The following SYNE1 variants were observed in gnomAD, a reference collection of about 807,000 sequenced individuals.
SYNE1 encodes the protein nesprin-1.
In SYNE1, 616 loss-of-function variants were observed where a neutral mutation model predicts 1,111.0. The observed-to-expected ratio is 0.55, with a 90% CI of 0.52 to 0.59. The LOEUF (loss-of-function observed/expected upper bound fraction) is 0.59, where lower values mean the gene tolerates loss of function less well. SYNE1 is among the 20% of genes least tolerant of loss of function. The probability of loss-of-function intolerance (pLI) is 0.00; values close to 1 mark genes in which losing one functional copy is unlikely to be tolerated. For missense variants in SYNE1, 10,006 were observed against 10,417.0 expected (o/e 0.96, Z 1.72); for synonymous variants, 3,855 against 3,825.8 (o/e 1.01, Z -0.28).
intron 9 of SYNE1, 32 bp downstream of exon 9, chr6:152,505,169 G>C: frequency 6.2e-7 from 1 of 1,608,096 alleles, no homozygotes; most frequent in Non-Finnish European, 8.5e-7. Flanking sequence ...TCCGTGTTAA[G>C]GTATATAACA....
rs200412221 is a variant in SYNE1, at chr6:152,505,406, T to C, written c.582-9A>G. The C allele has an allele frequency of 1.3e-4, 207 of 1,613,546 alleles. 1 individual carries two copies. The highest frequency in any genetic ancestry group is 6.7e-5 in the Admixed American group (4 of 60,006). On this transcript the variant is annotated splice_polypyrimidine_tract_variant and intron_variant, in intron 8 of 145. Transcript: ENST00000367255. ...CTTCTATTCCAGTCTGCCTTTGTGT[T>C]ATAAAAACATAAAATGATGTCACAT...
At chr6:152,497,187 T>A (rs772907352) in intron 11 of SYNE1, among the ~76,000 whole-genome samples, 1 of 152,186 alleles carries the variant, frequency 6.6e-6, no homozygotes, top group Middle Eastern at 3.2e-3. Flanking sequence ...TGTATCTTTT[T>A]AATCTCCATC....
At position 152,180,286 on chromosome 6, in the gene SYNE1, TAAG is replaced by T. The variant is rs1212787407; in HGVS notation, c.23307_23309del (p.Leu7770del). ...ATCTTTCACCTATTTGCTGCCGCCT[TAAG>T]GAGAGCTGAAAAGTTTAAAATGGGA... On this transcript the variant is annotated inframe_deletion, in exon 129 of 146. Transcript: ENST00000367255. 6.2e-7 allele frequency: 1 copy of T among 1,613,924 alleles called. No homozygotes were observed. The highest frequency in any genetic ancestry group is 8.5e-7 in the Non-Finnish European group (1 of 1,180,002).
In SYNE1 at chr6:152,362,262, CG is replaced by C; in HGVS notation, c.10206del (p.Gly3403ValfsTer10). 6.2e-7 allele frequency: 1 copy of C among 1,614,176 alleles called. No homozygotes were observed. Among genetic ancestry groups the C allele is most frequent in the Non-Finnish European group, 8.5e-7 (1 of 1,180,036 alleles). On this transcript the variant is annotated frameshift_variant, in exon 64 of 146. Coordinates refer to ENST00000367255, the MANE Select transcript of SYNE1 (RefSeq NM_182961.4). LOFTEE classifies it high-confidence loss of function. ...TSYQDGVRQF[S>X]GWMDSMEANL... Reference sequence around the variant, plus strand: ...TTGGCTTCCATACTATCCATCCAACCGGAGAACTGTCGAACGCCATCCTGAT... The same window carrying C: ...TTGGCTTCCATACTATCCATCCAACCGAGAACTGTCGAACGCCATCCTGAT...
intron 3 of SYNE1, among the ~76,000 whole-genome samples, chr6:152,626,844 AG>A (rs1353917496): frequency 6.6e-6 from 1 of 152,196 alleles, no homozygotes; most frequent in Non-Finnish European, 1.5e-5. Flanking sequence ...TATAGCTGTG[AG>A]CATGTTCTGG....
intron 58 of SYNE1, among the ~76,000 whole-genome samples, chr6:152,374,152 C>T (rs989551749): frequency 2.0e-5 from 3 of 152,128 alleles, no homozygotes; most frequent in Admixed American, 2.0e-4. Context: ...AGTCAATGAC[C>T]TAGTGCCAAA....
intron 117 of SYNE1, among the ~76,000 whole-genome samples, chr6:152,222,015 T>G (rs1345477789): frequency 6.6e-6 from 1 of 152,204 alleles, no homozygotes; most frequent in Admixed American, 6.5e-5. Flanking sequence ...AAACTTGCCT[T>G]GTGCTGTAAC....
chr6:152,326,750 T>C, intron 78 of SYNE1, 117 bp from the exon 79 acceptor site: 1 of 934,650 alleles, frequency 1.1e-6, no homozygotes, highest in Non-Finnish European at 1.7e-6. Flanking sequence ...TGTGTGTAAG[T>C]GCATTGATAA....
At chr6:152,167,493 C>A (rs2063911146) in intron 130 of SYNE1, among the ~76,000 whole-genome samples, 1 of 151,952 alleles carries the variant, frequency 6.6e-6, no homozygotes, top group South Asian at 2.1e-4. Flanking sequence ...TTTATTCTAA[C>A]TGAAAAAAAT....
intron 3 of SYNE1, among the ~76,000 whole-genome samples, chr6:152,556,801 T>C (rs1259538177): frequency 2.6e-5 from 4 of 152,184 alleles, no homozygotes; most frequent in Non-Finnish European, 4.4e-5. Context: ...TCAGGCTGAC[T>C]GATGAAGGGC....
In SYNE1 at chr6:152,391,494, C is replaced by T. The variant is rs1252134300; in HGVS notation, c.7787G>A (p.Arg2596His). 25 of 1,612,628 alleles carry T rather than the reference C, an allele frequency of 1.6e-5. No individual in the cohort carries two copies. The highest frequency in any genetic ancestry group is 3.3e-5 in the Admixed American group (2 of 59,774). The change falls in exon 52 of 146, where the codon CGC becomes CAC. Residue 2596 changes from arginine to histidine, a missense_variant. Physicochemically the swap from Arg to His is conservative, Grantham distance 29. Coordinates refer to ENST00000367255, the MANE Select transcript of SYNE1 (RefSeq NM_182961.4). ...GCTTGTGAGGAGCTGGGAACACAGG[C>T]GGCCCTCCTGCCCAGCACCGTGGCC... ...EEGHGAGQEG[R>H]LCSQLLTSHQ...
At position 152,427,636 on chromosome 6, in the gene SYNE1, T is replaced by C. The variant is rs145379144; in HGVS notation, c.5100+57A>G. ...TTATTTATTTTATTATTTTAAATAA[T>C]GTAACTGTAACAAAAAGCATTTTAT... On this transcript the variant is annotated intron_variant, in intron 38 of 145. Transcript: ENST00000367255. The C allele has an allele frequency of 1.4e-5, 23 of 1,596,828 alleles. No individual in the cohort carries two copies. In the East Asian group the frequency reaches 3.1e-4, roughly 22 times the overall value.
At chr6:152,490,993 T>C (rs549631765) in intron 11 of SYNE1, among the ~76,000 whole-genome samples, 1 of 152,346 alleles carries the variant, frequency 6.6e-6, no homozygotes, top group Non-Finnish European at 1.5e-5. Flanking sequence ...GGAGACACAT[T>C]TTATCTGTGG....
chr6:152,434,590 T>G (rs1266994682), intron 33 of SYNE1: 1 of 152,226 alleles, frequency 6.6e-6, no homozygotes, highest in Non-Finnish European at 1.5e-5. Flanking sequence ...GCACCCTAAC[T>G]ACTTTTAGAC....
chr6:152,130,837 C>T, intron 144 of SYNE1, 59 bp from the exon 145 acceptor site: 5 of 1,555,142 alleles, frequency 3.2e-6, no homozygotes, highest in Non-Finnish European at 4.4e-6. Flanking sequence ...CAAATAAAGA[C>T]AAGCTACTAA....
intron 87 of SYNE1, chr6:152,315,449 C>G (rs2095690384): frequency 6.6e-6 from 1 of 152,200 alleles, no homozygotes; most frequent in African/African-American, 2.4e-5. Context: ...ATCCACCCAC[C>G]TCGGCCTCCC....
At chr6:152,164,382 C>T (rs2063185294) in intron 130 of SYNE1, 57 bp from the exon 131 acceptor site, 2 of 1,605,850 alleles carry the variant, frequency 1.2e-6, no homozygotes, top group African/African-American at 1.3e-5. Flanking sequence ...TCATGTTTCT[C>T]TAGCGTGCAG....
intron 3 of SYNE1, among the ~76,000 whole-genome samples, chr6:152,561,595 C>A (rs1205590960): frequency 6.6e-6 from 1 of 151,788 alleles, no homozygotes; most frequent in Non-Finnish European, 1.5e-5. Context: ...TGTATGGAAC[C>A]ATCAAAGACC....
At chr6:152,558,927 A>T (rs1424366448) in intron 3 of SYNE1, among the ~76,000 whole-genome samples, 1 of 152,062 alleles carries the variant, frequency 6.6e-6, no homozygotes, top group African/African-American at 2.4e-5. Context: ...TCCAGGATAG[A>T]TAATATATTA....
Sources: allele counts gnomAD v4.1 joint callset (sites outside exome capture counted in the v4.1 genomes callset), GRCh38; gene constraint gnomAD v4.1.1; transcripts MANE v1.5; gene names NCBI Gene and HGNC (gene_info 2026-07-23, HGNC 2026-07-21).